NWD2: variants seen among roughly 807,000 people sequenced by gnomAD.
NWD2 encodes NACHT and WD repeat domain-containing protein 2.
In NWD2, 37 loss-of-function variants were observed where a neutral mutation model predicts 132.7. That is an observed-to-expected ratio of 0.28 (90% CI 0.21 to 0.37). NWD2 has a LOEUF of 0.37. Ranked by LOEUF, NWD2 falls within the 10% of genes least tolerant of loss-of-function variation. NWD2 has a pLI of 1.00. For missense variants in NWD2, 1,592 were observed against 2,122.4 expected, an observed-to-expected ratio of 0.75 and a Z score of 4.91; for synonymous variants, 705 against 803.0, an observed-to-expected ratio of 0.88 and a Z score of 2.06.
At chr4:37,334,641 T>C (rs1376779917) in intron 2 of NWD2, among the ~76,000 whole-genome samples, 1 of 152,196 alleles carries the variant, frequency 6.6e-6, no homozygotes, top group South Asian at 2.1e-4. Flanking sequence ...TGAGCCAAGA[T>C]TGAATCCAGT....
At chr4:37,409,527 G>A (rs2376778) in intron 3 of NWD2, among the ~76,000 whole-genome samples, 36,407 of 152,018 alleles carry the variant, frequency 0.24, 5,156 homozygotes, top group Middle Eastern at 0.3. Context: ...CCAAATCTAC[G>A]TGTGATTGGT....
At chr4:37,247,697 C>T (rs755646095) in intron 1 of NWD2, among the ~76,000 whole-genome samples, 22 of 151,144 alleles carry the variant, frequency 1.5e-4, no homozygotes, top group Non-Finnish European at 2.5e-4. Flanking sequence ...GCAACCTCCA[C>T]CTCCCGGCTC....
intron 3 of NWD2, among the ~76,000 whole-genome samples, chr4:37,357,666 G>A (rs1002605801): frequency 4.7e-4 from 72 of 152,128 alleles, no homozygotes; most frequent in African/African-American, 1.4e-3. Flanking sequence ...TTGCTTTCCC[G>A]GAGCTTACAT....
At chr4:37,327,411 T>C (rs1183284747) in intron 2 of NWD2, among the ~76,000 whole-genome samples, 1 of 152,066 alleles carries the variant, frequency 6.6e-6, no homozygotes, top group Non-Finnish European at 1.5e-5. Context: ...GCCCATAGAA[T>C]AAATTGACAG....
intron 2 of NWD2, among the ~76,000 whole-genome samples, chr4:37,335,338 G>A (rs1437119503): frequency 6.7e-6 from 1 of 149,694 alleles, no homozygotes; most frequent in Admixed American, 6.6e-5. Flanking sequence ...AGGCAAATGA[G>A]TAGAAAAATT....
At chr4:37,307,605 T>C (rs1718735500) in intron 1 of NWD2, among the ~76,000 whole-genome samples, 1 of 152,230 alleles carries the variant, frequency 6.6e-6, no homozygotes, top group Non-Finnish European at 1.5e-5. Flanking sequence ...AGAGAGAATC[T>C]TTGAGGTTGA....
intron 3 of NWD2, among the ~76,000 whole-genome samples, chr4:37,412,730 A>G (rs1721186821): frequency 6.6e-6 from 1 of 152,210 alleles, no homozygotes; most frequent in South Asian, 2.1e-4. Context: ...ACTTCAAAAT[A>G]TACTACAAGG....
chr4:37,421,043 G>A (rs998145052), intron 3 of NWD2, among the ~76,000 whole-genome samples: 3 of 151,988 alleles, frequency 2.0e-5, no homozygotes, highest in Admixed American at 6.6e-5. Flanking sequence ...CTGAGTCCAC[G>A]CCATTCTCCT....
intron 3 of NWD2, among the ~76,000 whole-genome samples, chr4:37,419,869 A>T (rs750988778): frequency 4.6e-5 from 7 of 152,212 alleles, no homozygotes; most frequent in African/African-American, 7.2e-5. Flanking sequence ...AAATTGTTGA[A>T]CTTCTTTGCA....
chr4:37,303,931 T>G (rs769896521), intron 1 of NWD2, among the ~76,000 whole-genome samples: 8 of 152,234 alleles, frequency 5.3e-5, no homozygotes, highest in Non-Finnish European at 1.0e-4. Flanking sequence ...CTTTTATTTT[T>G]TATCTTGTCT....
chr4:37,341,286 T>C (rs569406665), intron 2 of NWD2, among the ~76,000 whole-genome samples: 10 of 152,254 alleles, frequency 6.6e-5, no homozygotes, highest in Non-Finnish European at 1.5e-4. Context: ...GGCTAAGCTA[T>C]GATGTTCAGT....
At chr4:37,279,645 A>G (rs1258759223) in intron 1 of NWD2, among the ~76,000 whole-genome samples, 1 of 152,212 alleles carries the variant, frequency 6.6e-6, no homozygotes, top group Non-Finnish European at 1.5e-5. Context: ...AAAATCAGTT[A>G]TGGTATTGCA....
rs1317197114 is a variant in NWD2, at chr4:37,245,122, C to T, written c.55C>T (p.Arg19Trp). The T allele has an allele frequency of 1.3e-6, 2 of 1,547,730 alleles. No homozygotes were observed. The highest frequency in any genetic ancestry group is 2.4e-5 in the East Asian group (1 of 40,876). ...GCCCTGTCCCCGAGACTCTGCGCTC[C>T]GGCGGGCGGCTTTCTCTGGGAACCT... ...KLPCPRDSALRRAAFSGNLTA... is the reference protein window; with the variant it reads ...KLPCPRDSALWRAAFSGNLTA... The change falls in exon 1 of 7, where the codon CGG becomes TGG. Residue 19 changes from arginine (R) to tryptophan (W), a missense_variant. Transcript: ENST00000309447.
chr4:37,431,273 T>C (rs1206225874), intron 4 of NWD2, among the ~76,000 whole-genome samples: 1 of 152,136 alleles, frequency 6.6e-6, no homozygotes, highest in Non-Finnish European at 1.5e-5. Flanking sequence ...AATGAAAAGA[T>C]AAAGAAAATG....
chr4:37,278,882 G>C (rs1718076059), intron 1 of NWD2, among the ~76,000 whole-genome samples: 1 of 152,146 alleles, frequency 6.6e-6, no homozygotes, highest in African/African-American at 2.4e-5. Context: ...AGGGTACACA[G>C]TTTTGCCAAG....
At chr4:37,318,593 T>C (rs1037742028) in intron 1 of NWD2, among the ~76,000 whole-genome samples, 5 of 152,094 alleles carry the variant, frequency 3.3e-5, no homozygotes, top group African/African-American at 1.2e-4. Context: ...CTACCCTCCC[T>C]ACCTCCCCCA....
At chr4:37,419,616 C>G (rs984918215) in intron 3 of NWD2, among the ~76,000 whole-genome samples, 10 of 152,172 alleles carry the variant, frequency 6.6e-5, no homozygotes, top group African/African-American at 2.2e-4. Context: ...CAATAGTCTA[C>G]TAATTTTTTA....
chr4:37,352,024 T>G (rs1481816561), intron 2 of NWD2, among the ~76,000 whole-genome samples: 1 of 152,226 alleles, frequency 6.6e-6, no homozygotes, highest in Non-Finnish European at 1.5e-5. Flanking sequence ...CTAATTTGAT[T>G]GCACTGTGGT....
chr4:37,430,424 A>G (rs1482460327), intron 3 of NWD2, 148 bp from the exon 4 acceptor site: 4 of 630,242 alleles, frequency 6.3e-6, no homozygotes, highest in Non-Finnish European at 1.1e-5. Context: ...TAGGAAATCA[A>G]CTATCCACTG....
Sources: gnomAD v4.1 joint callset for allele counts (sites outside exome capture counted in the v4.1 genomes callset) on GRCh38, gnomAD v4.1.1 for gene constraint, MANE v1.5 for transcripts, NCBI Gene and HGNC (gene_info 2026-07-23, HGNC 2026-07-21) for gene names.